ETFA: variants seen among roughly 807,000 people sequenced by gnomAD.
The protein encoded by ETFA is electron transfer flavoprotein subunit alpha, mitochondrial.
In ETFA, 22 loss-of-function variants were observed where a neutral mutation model predicts 46.2. That is an observed-to-expected ratio of 0.48 (90% confidence interval 0.34 to 0.68). The LOEUF (loss-of-function observed/expected upper bound fraction) is 0.68. Among genes scored for constraint, ETFA ranks in the 30% least tolerant of loss-of-function variants. The pLI is 0.01. For missense variants in ETFA, 345 were observed against 401.1 expected (o/e 0.86, Z 1.19); for synonymous variants, 131 against 139.9 (o/e 0.94, Z 0.45).
chr15:76,249,732 T>C (rs1190858093), intron 9 of ETFA, among the ~76,000 whole-genome samples: 14 of 152,104 alleles, frequency 9.2e-5, no homozygotes, highest in Non-Finnish European at 1.9e-4. Context: ...TGAGCCACCA[T>C]GCCCGGCCCA....
chr15:76,271,149 G>A (rs963014231), intron 9 of ETFA, among the ~76,000 whole-genome samples: 6 of 139,352 alleles, frequency 4.3e-5, no homozygotes, highest in East Asian at 4.2e-4. Flanking sequence ...CAGCCTCAGC[G>A]ACAGAGCGAG....
At chr15:76,306,267 CTT>C (rs35290919) in intron 1 of ETFA, among the ~76,000 whole-genome samples, 42 of 109,476 alleles carry the variant, frequency 3.8e-4, no homozygotes, top group African/African-American at 7.2e-4. Context: ...TTTTTTGCTT[CTT>C]TTTTTTTTTT....
chr15:76,272,811 TAC>T (rs1191261851), intron 9 of ETFA, among the ~76,000 whole-genome samples: 1 of 116,852 alleles, frequency 8.6e-6, no homozygotes, highest in Non-Finnish European at 1.9e-5. Flanking sequence ...TTAAAATATA[TAC>T]ATATATATAT....
intron 9 of ETFA, 94 bp from the exon 10 acceptor site, chr15:76,231,492 G>T (rs964478240): frequency 7.9e-6 from 6 of 759,964 alleles, no homozygotes; most frequent in Admixed American, 5.0e-5. Context: ...TTAGGCAAAA[G>T]ATATGTTAAA....
chr15:76,228,322 C>G, intron 10 of ETFA: 1 of 279,332 alleles, frequency 3.6e-6, no homozygotes, highest in Non-Finnish European at 6.9e-6. Context: ...GTAGCTGGGA[C>G]CACAGGGGTG....
At chr15:76,267,051 T>C (rs2039476853) in intron 9 of ETFA, among the ~76,000 whole-genome samples, 2 of 152,216 alleles carry the variant, frequency 1.3e-5, no homozygotes, top group African/African-American at 4.8e-5. Flanking sequence ...ACAAGGTGAT[T>C]CTAACCTTAA....
chr15:76,242,120 C>A (rs2039198319), intron 9 of ETFA, among the ~76,000 whole-genome samples: 1 of 152,166 alleles, frequency 6.6e-6, no homozygotes, highest in South Asian at 2.1e-4. Context: ...CAGGCGTGAG[C>A]CACTTCGCCT....
Position 76,216,722 on chromosome 15 carries a change from C to G in ETFA, c.964-125G>C. ...AATCACTGTTGAGGCACGAGGGCCC[C>G]CTCCTCTCCACCAGGAACCCCCTGT... On this transcript the variant is annotated intron_variant, in intron 11 of 11. Coordinates refer to ENST00000557943, the MANE Select transcript of ETFA (RefSeq NM_000126.4). 4 of 699,076 alleles carry G rather than the reference C, an allele frequency of 5.7e-6. No individual in the cohort carries two copies. In the East Asian group the frequency reaches 1.1e-4, roughly 18 times the overall value. The allele number at this position is 699,076 out of a possible 1,614,324, so 43.3% of individuals were successfully genotyped here. A position where few individuals can be genotyped will look rare whatever the true frequency, so the allele number is the denominator to read the frequency against.
intron 1 of ETFA, 49 bp from the exon 2 acceptor site, chr15:76,295,786 GTTT>G (rs59517673): frequency 1.0e-3 from 1,098 of 1,098,150 alleles, no homozygotes; most frequent in Middle Eastern, 1.9e-3. Context: ...TTGTCACAGG[GTTT>G]TTTTTTTTTT....
chr15:76,281,382 C>T (rs947743486), intron 8 of ETFA, among the ~76,000 whole-genome samples: 3 of 152,114 alleles, frequency 2.0e-5, no homozygotes, highest in Admixed American at 6.6e-5. Context: ...TCTCCACCCC[C>T]CATAACCCAT....
chr15:76,286,523 C>A, intron 5 of ETFA, 42 bp from the exon 6 acceptor site: 1 of 1,252,272 alleles, frequency 8.0e-7, no homozygotes, highest in Non-Finnish European at 1.2e-6. Context: ...CAGCAAAAGG[C>A]AACAAAACTA....
chr15:76,222,911 T>C (rs1355797454), intron 11 of ETFA, among the ~76,000 whole-genome samples: 1 of 151,938 alleles, frequency 6.6e-6, no homozygotes, highest in African/African-American at 2.4e-5. Flanking sequence ...CATGGCTCAC[T>C]GAAGTCTCAA....
chr15:76,292,828 G>A (rs938795409), intron 2 of ETFA, 128 bp from the exon 3 acceptor site: 1 of 761,818 alleles, frequency 1.3e-6, no homozygotes, highest in Non-Finnish European at 2.3e-6. Flanking sequence ...ATTAGCAAAA[G>A]GGCCAGTTAA....
intron 1 of ETFA, among the ~76,000 whole-genome samples, chr15:76,308,404 G>T (rs552844495): frequency 4.6e-5 from 7 of 152,276 alleles, no homozygotes; most frequent in Admixed American, 1.3e-4. Context: ...AGTAACTAAA[G>T]TCAGCATTAC....
chr15:76,311,134 C>T (rs1481690443), intron 1 of ETFA, among the ~76,000 whole-genome samples: 1 of 152,210 alleles, frequency 6.6e-6, no homozygotes, highest in East Asian at 1.9e-4. Flanking sequence ...TCGGGGTCAC[C>T]CTGACCCCAA....
At chr15:76,267,758 C>T (rs563583194) in intron 9 of ETFA, among the ~76,000 whole-genome samples, 19 of 152,260 alleles carry the variant, frequency 1.2e-4, no homozygotes, top group South Asian at 2.1e-4. Flanking sequence ...GATCAACCCA[C>T]GACTGCAGCT....
At chr15:76,267,553 T>C (rs1739717805) in intron 9 of ETFA, among the ~76,000 whole-genome samples, 2 of 152,164 alleles carry the variant, frequency 1.3e-5, no homozygotes, top group South Asian at 4.2e-4. Flanking sequence ...CATTACTGTT[T>C]TTACTGATGG....
intron 9 of ETFA, among the ~76,000 whole-genome samples, chr15:76,240,657 GGC>G (rs1207727612): frequency 6.6e-6 from 1 of 151,786 alleles, no homozygotes; most frequent in Non-Finnish European, 1.5e-5. Flanking sequence ...TTCAACCCTT[GGC>G]CTTTCAATGT....
intron 10 of ETFA, chr15:76,230,340 C>G (rs1389621294): frequency 5.8e-5 from 4 of 69,308 alleles, no homozygotes; most frequent in Non-Finnish European, 1.2e-4. Flanking sequence ...CATTCTCCTG[C>G]CTCAGCCTCC....
Sources: allele counts gnomAD v4.1 joint callset (sites outside exome capture counted in the v4.1 genomes callset), GRCh38; gene constraint gnomAD v4.1.1; transcripts MANE v1.5; gene names NCBI Gene and HGNC (gene_info 2026-07-23, HGNC 2026-07-21).